NDUFS7: variants seen among roughly 807,000 people sequenced by gnomAD.
NDUFS7 encodes NADH dehydrogenase [ubiquinone] iron-sulfur protein 7, mitochondrial.
In NDUFS7, 11 loss-of-function variants were observed where a neutral mutation model predicts 31.1. The observed-to-expected ratio is 0.35, with a 90% CI of 0.22 to 0.59. The LOEUF is 0.59. Among genes scored for constraint, NDUFS7 ranks in the 20% least tolerant of loss-of-function variants. The pLI is 0.79. For synonymous variants in NDUFS7, 136 were observed against 127.9 expected (o/e 1.06, Z -0.43); for missense variants, 263 against 324.2 (o/e 0.81, Z 1.45).
chr19:1,386,831 GCAGT>G (rs1416475797), intron 1 of NDUFS7: 1 of 152,244 alleles, frequency 6.6e-6, no homozygotes, highest in African/African-American at 2.4e-5. Context: ...ATCTCCAAAA[GCAGT>G]CACATTCTGA....
intron 2 of NDUFS7, chr19:1,388,313 CAAAA>C (rs2082523222): frequency 1.6e-6 from 1 of 621,928 alleles, no homozygotes; most frequent in Non-Finnish European, 2.9e-6. Flanking sequence ...GGGTACGTCA[CAAAA>C]GAAGTTCCAT....
In NDUFS7 at chr19:1,393,053, G is replaced by A; in HGVS notation, c.456-189G>A. 1.6e-6 allele frequency: 1 copy of A among 618,056 alleles called. No individual in the cohort carries two copies. Among genetic ancestry groups the A allele is most frequent in the Non-Finnish European group, 2.9e-6 (1 of 342,714 alleles). The allele number at this position is 618,056 out of a possible 1,614,324, so 38.3% of individuals were successfully genotyped here. A position where few individuals can be genotyped will look rare whatever the true frequency, so the allele number is the denominator to read the frequency against. On this transcript the variant is annotated intron_variant, in intron 6 of 7. Coordinates refer to ENST00000233627, the MANE Select transcript of NDUFS7 (RefSeq NM_024407.5). The surrounding 1 kb of genome is among the most constrained non-coding windows in gnomAD (Gnocchi z 7.3). ...CGAGTTATCAGCCACGTGTGAGCTT[G>A]CGCCCCACTGGTCCCACAGAGGCTC...
intron 7 of NDUFS7, chr19:1,394,357 C>T (rs2082577764): frequency 7.8e-7 from 1 of 1,288,834 alleles, no homozygotes; most frequent in African/African-American, 1.5e-5. Context: ...GGCGTCTTCC[C>T]CTGCAGTGCA....
Position 1,393,134 on chromosome 19 carries a change from G to A in NDUFS7, c.456-108G>A, listed in dbSNP as rs1342042600. ...CTCCGTGACAAGTTCCAGCCTCGTA[G>A]GTGCCTGGCCTGCAGTTGAAGGCGG... On this transcript the variant is annotated intron_variant, in intron 6 of 7. Transcript: ENST00000233627. The surrounding 1 kb of genome is among the most constrained non-coding windows in gnomAD (Gnocchi z 7.3). 2 of 845,318 alleles carry A rather than the reference G, an allele frequency of 2.4e-6. No individual in the cohort carries two copies. Among genetic ancestry groups the A allele is most frequent in the Non-Finnish European group, 3.8e-6 (2 of 519,726 alleles). The allele number at this position is 845,318 out of a possible 1,614,324, so 52.4% of individuals were successfully genotyped here. A position where few individuals can be genotyped will look rare whatever the true frequency, so the allele number is the denominator to read the frequency against.
Position 1,388,829 on chromosome 19 carries a change from C to T in NDUFS7, c.123-4C>T. 2 of 1,588,788 alleles carry T rather than the reference C, an allele frequency of 1.3e-6. No homozygotes were observed. The highest frequency in any genetic ancestry group is 1.7e-6 in the Non-Finnish European group (2 of 1,168,448). ...CCTCCTGTGCCCGTGTGTCTCTGTG[C>T]CAGCACCCAGCCTGCCCTGCCAAAG... On this transcript the variant is annotated splice_polypyrimidine_tract_variant and splice_region_variant and intron_variant, in intron 3 of 7. Transcript: ENST00000233627.
At chr19:1,395,009 A>G in intron 7 of NDUFS7, 1 of 1,139,492 alleles carries the variant, frequency 8.8e-7, no homozygotes, top group Non-Finnish European at 1.1e-6. Flanking sequence ...CCCTGCCTCC[A>G]TCTCCGTCCA....
intron 2 of NDUFS7, 53 bp from the exon 3 acceptor site, chr19:1,388,472 G>C (rs2082524545): frequency 6.5e-7 from 1 of 1,531,978 alleles, no homozygotes; most frequent in Non-Finnish European, 9.0e-7. Flanking sequence ...GTGCGGCTGG[G>C]GGAGCTGGAG....
chr19:1,395,573 C>G lies in NDUFS7; in HGVS notation c.*85C>G, dbSNP rs1359993889. 2 of 1,453,204 alleles carry G rather than the reference C, an allele frequency of 1.4e-6. No homozygotes were observed. The highest frequency in any genetic ancestry group is 2.5e-5 in the East Asian group (1 of 40,232). The allele number at this position is 1,453,204 out of a possible 1,614,324, so 90.0% of individuals were successfully genotyped here. A position where few individuals can be genotyped will look rare whatever the true frequency, so the allele number is the denominator to read the frequency against. On this transcript the variant is annotated 3_prime_UTR_variant, in exon 8 of 8. Coordinates refer to ENST00000233627, the MANE Select transcript of NDUFS7 (RefSeq NM_024407.5). ...GTGAGGTTGTCAATAAACCTGCCCT[C>G]GGGCTGCCGCCTCCCAGTGTGGTGT...
intron 6 of NDUFS7, chr19:1,392,818 G>T (rs1266050378): frequency 7.1e-6 from 2 of 279,748 alleles, no homozygotes; most frequent in Non-Finnish European, 1.4e-5. Context: ...GTCTCCTGGG[G>T]TTTCCAGCTC....
intron 4 of NDUFS7, chr19:1,389,181 A>G: frequency 1.4e-6 from 1 of 693,838 alleles, no homozygotes; most frequent in African/African-American, 1.8e-5. Context: ...ACACACATGC[A>G]CACACAAGCA....
At position 1,395,529 on chromosome 19, in the gene NDUFS7, C is replaced by G. The variant is rs577293745; in HGVS notation, c.*41C>G. On this transcript the variant is annotated 3_prime_UTR_variant, in exon 8 of 8. Coordinates refer to ENST00000233627, the MANE Select transcript of NDUFS7 (RefSeq NM_024407.5). ...CGCCGGAGCCTGTCGCCGTCCTGTC[C>G]CCAGCCTGCTTGTGTCCCGTGAGGT... 6.4e-7 allele frequency: 1 copy of G among 1,550,604 alleles called. No homozygotes were observed. Among genetic ancestry groups the G allele is most frequent in the East Asian group, 2.4e-5 (1 of 41,358 alleles).
chr19:1,388,763 G>A (rs1426209184), intron 3 of NDUFS7, 70 bp from the exon 4 acceptor site: 2 of 1,503,264 alleles, frequency 1.3e-6, no homozygotes, highest in South Asian at 1.2e-5. Flanking sequence ...GCGGCCGTGG[G>A]GGCTCGCATC....
chr19:1,389,099 A>T (rs556363755), intron 4 of NDUFS7, 161 bp downstream of exon 4: 3 of 733,354 alleles, frequency 4.1e-6, no homozygotes, highest in Non-Finnish European at 7.3e-6. Context: ...GTATGGACAG[A>T]TGTGTACACG....
chr19:1,394,700 C>A, intron 7 of NDUFS7: 1 of 1,194,390 alleles, frequency 8.4e-7, no homozygotes, highest in East Asian at 5.8e-5. Flanking sequence ...TCCCTGCGGA[C>A]TGTGCTTCTC....
rs765101167 is a variant in NDUFS7, at chr19:1,390,984, G to A, written c.342G>A (p.Pro114=). 1.1e-5 allele frequency: 18 copies of A among 1,612,756 alleles called. No homozygotes were observed. Among genetic ancestry groups the A allele is most frequent in the East Asian group, 4.5e-5 (2 of 44,884 alleles). Residue 114 remains proline (P), a synonymous_variant, in exon 5 of 8, where the codon CCG becomes CCA. Transcript: ENST00000233627. ...TTGGCGTGGTCTTCCGCGCCAGCCC[G>A]CGCCAGTCCGACGTCATGATCGTGG... is the stretch of plus-strand genomic sequence containing the variant. ...DRFGVVFRAS[P]RQSDVMIVAG...
In NDUFS7 at chr19:1,395,399, C is replaced by T; in HGVS notation, c.553C>T (p.Pro185Ser). Residue 185 changes from proline (P) to serine (S), a missense_variant, in exon 8 of 8, where the codon CCT becomes TCT. Physicochemically the swap from Pro to Ser is moderately conservative, Grantham distance 74 (BLOSUM62 -1). Transcript: ENST00000233627. The stretch of plus-strand genomic sequence containing the variant: ...AGGCAAGGTCCCTGCAGGCTGCCCA[C>T]CTACGGCCGAGGCCCTGCTCTACGG... ...PVDIYIPGCPPTAEALLYGIL... is the reference protein window; with the variant it reads ...PVDIYIPGCPSTAEALLYGIL... 6.2e-7 allele frequency: 1 copy of T among 1,600,642 alleles called. No homozygotes were observed. The highest frequency in any genetic ancestry group is 1.1e-5 in the South Asian group (1 of 88,550).
intron 6 of NDUFS7, chr19:1,392,940 T>A: frequency 2.1e-6 from 1 of 474,764 alleles, no homozygotes; most frequent in South Asian, 2.1e-5. Flanking sequence ...CTGTCTGAAG[T>A]GGCTTTTTGT....
chr19:1,393,964 C>G lies in NDUFS7; in HGVS notation c.544+634C>G, dbSNP rs776917902. ...GACTCTTGCACCTCACGTGGTCCCA[C>G]GAGGGCCATCCCCCCGGGCGTTCAC... On this transcript the variant is annotated intron_variant, in intron 7 of 7. Coordinates refer to ENST00000233627, the MANE Select transcript of NDUFS7 (RefSeq NM_024407.5). The surrounding 1 kb of genome is among the most constrained non-coding windows in gnomAD (Gnocchi z 7.3). 2 of 247,038 alleles carry G rather than the reference C, an allele frequency of 8.1e-6. No homozygotes were observed. Among genetic ancestry groups the G allele is most frequent in the African/African-American group, 2.2e-5 (1 of 44,474 alleles). 15.3% of individuals were successfully genotyped at this position (247,038 alleles called of 1,614,324 possible).
rs967610296 is a variant in NDUFS7, at chr19:1,383,914, G to A, written c.-13G>A. 1 of 1,581,306 alleles carries A rather than the reference G, an allele frequency of 6.3e-7. No individual in the cohort carries two copies. Among genetic ancestry groups the A allele is most frequent in the East Asian group, 2.3e-5 (1 of 42,910 alleles). ...GAACGGACCTCAGAGGTTGTCTGAA[G>A]GCCGAGGCCAAGATGGCGGTGCTGT... On this transcript the variant is annotated 5_prime_UTR_variant, in exon 1 of 8. Coordinates refer to ENST00000233627, the MANE Select transcript of NDUFS7 (RefSeq NM_024407.5).
Sources: gnomAD v4.1 joint callset for allele counts on GRCh38, gnomAD v4.1.1 for gene constraint, Gnocchi (gnomAD v3.1) non-coding constraint, MANE v1.5 for transcripts, NCBI Gene and HGNC (gene_info 2026-07-23, HGNC 2026-07-21) for gene names.